SYNE2: variants seen among roughly 807,000 people sequenced by gnomAD.
SYNE2 encodes the protein nesprin-2.
A neutral mutation model predicts 856.3 loss-of-function variants in SYNE2; 431 were observed. The ratio of observed to expected loss-of-function variants is 0.50; its 90% CI spans 0.47 to 0.55. The LOEUF (loss-of-function observed/expected upper bound fraction) is 0.55, where lower values mean the gene tolerates loss of function less well. Among genes scored for constraint, SYNE2 ranks in the 20% least tolerant of loss-of-function variants. The probability of loss-of-function intolerance (pLI) is 0.00; values close to 1 mark genes in which losing one functional copy is unlikely to be tolerated. For missense variants in SYNE2, 8,129 were observed against 8,023.2 expected (o/e 1.01, Z -0.50); for synonymous variants, 2,923 against 2,872.3 (o/e 1.02, Z -0.56).
intron 50 of SYNE2, among the ~76,000 whole-genome samples, chr14:64,064,975 C>CT (rs1158919815): frequency 6.6e-6 from 1 of 151,728 alleles, no homozygotes. Flanking sequence ...GTCAATTCTC[C>CT]TGCTTCAGCC....
At chr14:63,837,039 A>G (rs1423084654) in intron 1 of SYNE2, among the ~76,000 whole-genome samples, 1 of 152,214 alleles carries the variant, frequency 6.6e-6, no homozygotes, top group Non-Finnish European at 1.5e-5. Context: ...TGTTACTATT[A>G]TAAGTAATGC....
rs776434167 is a variant in SYNE2, at chr14:64,087,761, G to T, written c.11575G>T (p.Glu3859Ter). 6.2e-7 allele frequency: 1 copy of T among 1,614,072 alleles called. No homozygotes were observed. The highest frequency in any genetic ancestry group is 8.5e-7 in the Non-Finnish European group (1 of 1,179,972). ...CCTGTCAATAATTTTTGAAACAGAT[G>T]AATTAACCCAATCCATACAAGAGTT... ...EDLSIIFETD[E>*]LTQSIQELSN... The change falls in exon 58 of 116, where the codon GAA (glutamate) becomes TAA (stop). Residue 3859 changes from glutamate to a stop codon, truncating the protein, a stop_gained. Coordinates refer to ENST00000555002, the MANE Select transcript of SYNE2 (RefSeq NM_182914.3). LOFTEE classifies it high-confidence loss of function.
At chr14:63,924,905 T>C (rs1425655514) in intron 2 of SYNE2, among the ~76,000 whole-genome samples, 1 of 147,654 alleles carries the variant, frequency 6.8e-6, no homozygotes, top group East Asian at 2.0e-4. Context: ...GATGGAAGTA[T>C]ACATCCTTGC....
In SYNE2 at chr14:63,948,053, T is replaced by C. The variant is rs142656480; in HGVS notation, c.409-1772T>C. On this transcript the variant is annotated intron_variant, in intron 6 of 115. Coordinates refer to ENST00000555002, the MANE Select transcript of SYNE2 (RefSeq NM_182914.3). ...ACAGTGTAAGTTGTCCAACTTATTC[T>C]TTAAGAAAGTCTTCATTATTATTTG... 1.2e-4 allele frequency among the ~76,000 whole-genome samples: 18 copies of C among 152,326 alleles called. No individual in the cohort carries two copies. The East Asian group carries it at 3.5e-3, about 29-fold the overall frequency.
At chr14:64,224,902 A>G in intron 114 of SYNE2, 97 bp from the exon 115 acceptor site, 1 of 1,144,390 alleles carries the variant, frequency 8.7e-7, no homozygotes, top group Non-Finnish European at 1.3e-6. Flanking sequence ...CACAACATAA[A>G]GGTGGTATAT....
rs749207196 is a variant in SYNE2 at position 64,168,923 on chromosome 14, A to T, written c.16952A>T (p.Tyr5651Phe). Residue 5651 changes from tyrosine to phenylalanine, a missense_variant, in exon 93 of 116, where the codon TAT (tyrosine) becomes TTT (phenylalanine). Coordinates refer to ENST00000555002, the MANE Select transcript of SYNE2 (RefSeq NM_182914.3). ...VSINQTIADSYVTQSLQLLDT... is the reference protein window; with the variant it reads ...VSINQTIADSFVTQSLQLLDT... ...ATAAACCAGACAATTGCTGATTCCT[A>T]TGTCACCCAGTCCTTACAACTCCTG... 6.2e-7 allele frequency: 1 copy of T among 1,614,128 alleles called. No homozygotes were observed. Among genetic ancestry groups the T allele is most frequent in the Non-Finnish European group, 8.5e-7 (1 of 1,179,986 alleles).
At chr14:63,773,293 G>A (rs149096129) in intron 1 of SYNE2, among the ~76,000 whole-genome samples, 4,084 of 151,850 alleles carry the variant, frequency 0.027, 81 homozygotes, top group South Asian at 0.043. Context: ...TCAACCACCC[G>A]GGCTCAAACA....
intron 110 of SYNE2, 39 bp downstream of exon 110, chr14:64,219,449 G>C: frequency 6.2e-7 from 1 of 1,601,562 alleles, no homozygotes; most frequent in Non-Finnish European, 8.6e-7. Flanking sequence ...GATTCAGAAT[G>C]TGCATGTGAA....
At chr14:63,977,294 G>C (rs1302838761) in intron 12 of SYNE2, among the ~76,000 whole-genome samples, 1 of 151,988 alleles carries the variant, frequency 6.6e-6, no homozygotes, top group African/African-American at 2.4e-5. Flanking sequence ...CTCACTGCAA[G>C]CACCGCCTCC....
chr14:64,178,561 G>A (rs1335011103), intron 96 of SYNE2, among the ~76,000 whole-genome samples: 3 of 151,250 alleles, frequency 2.0e-5, no homozygotes, highest in Admixed American at 6.5e-5. Context: ...AAGCTCAAGC[G>A]ATCCTCCTAC....
intron 11 of SYNE2, among the ~76,000 whole-genome samples, chr14:63,975,135 C>T (rs756596942): frequency 1.2e-4 from 18 of 151,382 alleles, no homozygotes; most frequent in Non-Finnish European, 2.4e-4. Flanking sequence ...TATTAAATTG[C>T]TCTTCCATTC....
intron 1 of SYNE2, among the ~76,000 whole-genome samples, chr14:63,827,277 CAA>C (rs397960370): frequency 7.8e-6 from 1 of 128,952 alleles, no homozygotes. Flanking sequence ...GACTCTGTCT[CAA>C]AAAAAAAAAA....
At chr14:64,064,728 A>AT (rs2097344971) in intron 50 of SYNE2, among the ~76,000 whole-genome samples, 2 of 149,492 alleles carry the variant, frequency 1.3e-5, no homozygotes, top group African/African-American at 4.9e-5. Context: ...TAATTTTTTA[A>AT]TTTTTTGTAG....
At position 64,020,148 on chromosome 14, in the gene SYNE2, A is replaced by G. The variant is rs533548225; in HGVS notation, c.5151+55A>G. On this transcript the variant is annotated intron_variant, in intron 35 of 115. Coordinates refer to ENST00000555002, the MANE Select transcript of SYNE2 (RefSeq NM_182914.3). ...ATTGAGGCTTCAGTAAGCCATAATC[A>G]TATCACTGCACTCCAGCCTGGGCGA... The G allele has an allele frequency of 8.6e-4, 1,040 of 1,215,124 alleles. 2 individuals are homozygous for G. The highest frequency in any genetic ancestry group is 1.1e-3 in the Non-Finnish European group (925 of 819,052). 75.3% of individuals were successfully genotyped at this position (1,215,124 alleles called of 1,614,324 possible). A position where few individuals can be genotyped will look rare whatever the true frequency, so the allele number is the denominator to read the frequency against.
intron 96 of SYNE2, 149 bp from the exon 97 acceptor site, chr14:64,186,275 C>T (rs577728139): frequency 2.2e-5 from 21 of 960,570 alleles, no homozygotes; most frequent in Middle Eastern, 2.2e-4. Flanking sequence ...TGCAGGCGCT[C>T]GTCTTGGGCT....
In SYNE2 at chr14:64,091,028, G is replaced by A. The variant is rs779441612; in HGVS notation, c.11956G>A (p.Glu3986Lys). The change falls in exon 60 of 116, where the codon GAA (glutamate) becomes AAA (lysine). Residue 3986 changes from glutamate to lysine, a missense_variant. Transcript: ENST00000555002. ...AAAACTATTGGAAAATGTGACTCAAGAACAAAATGAGTTATTAAAGGTAAG... is the reference window on the plus strand; with the variant it reads ...AAAACTATTGGAAAATGTGACTCAAAAACAAAATGAGTTATTAAAGGTAAG... The part of the protein sequence containing the change: ...DIKLLENVTQ[E>K]QNELLKVVIK... 2.0e-5 allele frequency: 32 copies of A among 1,613,832 alleles called. No homozygotes were observed. Among genetic ancestry groups the A allele is most frequent in the Non-Finnish European group, 2.7e-5 (32 of 1,179,898 alleles).
chr14:63,927,379 C>G (rs557553854), intron 2 of SYNE2, among the ~76,000 whole-genome samples: 1 of 152,226 alleles, frequency 6.6e-6, no homozygotes, highest in East Asian at 1.9e-4. Context: ...GAGACCCCAT[C>G]TGATATGGTT....
At chr14:63,802,903 C>G (rs970788657) in intron 1 of SYNE2, among the ~76,000 whole-genome samples, 6 of 152,080 alleles carry the variant, frequency 3.9e-5, no homozygotes, top group Non-Finnish European at 8.8e-5. Context: ...TGCAGATCTT[C>G]GCGGTGAGTG....
chr14:64,095,731 C>T (rs992889100), intron 61 of SYNE2, among the ~76,000 whole-genome samples: 10 of 152,128 alleles, frequency 6.6e-5, no homozygotes, highest in Admixed American at 3.3e-4. Context: ...GCATACTTTC[C>T]ATTTTTTCAC....
Sources: allele counts gnomAD v4.1 joint callset (sites outside exome capture counted in the v4.1 genomes callset), GRCh38; gene constraint gnomAD v4.1.1; transcripts MANE v1.5; gene names NCBI Gene and HGNC (gene_info 2026-07-23, HGNC 2026-07-21).